The following ZNF197 variants were observed in gnomAD, a reference collection of about 807,000 sequenced individuals.
The protein encoded by ZNF197 is zinc finger protein 197.
In ZNF197, 14 loss-of-function variants were observed where a neutral mutation model predicts 27.4. The ratio of observed to expected loss-of-function variants is 0.51; its 90% CI spans 0.34 to 0.80. The LOEUF is 0.80. Ranked by LOEUF, ZNF197 falls within the 30% of genes least tolerant of loss-of-function variation. ZNF197 has a pLI of 0.02. For missense variants in ZNF197, 1,090 were observed against 1,222.6 expected, an observed-to-expected ratio of 0.89 and a Z score of 1.62; for synonymous variants, 415 against 420.0, an observed-to-expected ratio of 0.99 and a Z score of 0.15.
intron 5 of ZNF197, among the ~76,000 whole-genome samples, chr3:44,635,809 C>T (rs984720570): frequency 1.3e-5 from 2 of 152,052 alleles, no homozygotes; most frequent in African/African-American, 4.8e-5. Context: ...TTTGTGTGAG[C>T]CCATAGGATC....
rs1322565009 is a variant in ZNF197, at chr3:44,642,698, A to T, written c.1568A>T (p.Lys523Met). ...NKCQKAFILK[K>M]SLILHQRIHS... Reference sequence around the variant, plus strand: ...TGTCAGAAAGCTTTCATTCTGAAGAAGAGCCTCATTCTGCACCAGAGAATC... The same window carrying T: ...TGTCAGAAAGCTTTCATTCTGAAGATGAGCCTCATTCTGCACCAGAGAATC... The change falls in exon 6 of 6, where the codon AAG becomes ATG. Residue 523 changes from lysine to methionine, a missense_variant. Coordinates refer to ENST00000344387, the MANE Select transcript of ZNF197 (RefSeq NM_006991.5). 2 of 1,613,922 alleles carry T rather than the reference A, an allele frequency of 1.2e-6. No individual in the cohort carries two copies. Among genetic ancestry groups the T allele is most frequent in the East Asian group, 2.2e-5 (1 of 44,894 alleles).
Position 44,645,696 on chromosome 3 carries a change from C to G in ZNF197, c.*1476C>G, listed in dbSNP as rs1028765246. Reference sequence around the variant, plus strand: ...TTGTGAATTCTAATCAATATTTCATCATTGCTGTCAAATGATAGCCTGTTA... The same window carrying G: ...TTGTGAATTCTAATCAATATTTCATGATTGCTGTCAAATGATAGCCTGTTA... On this transcript the variant is annotated 3_prime_UTR_variant, in exon 6 of 6. Coordinates refer to ENST00000344387, the MANE Select transcript of ZNF197 (RefSeq NM_006991.5). 2 of 985,310 alleles carry G rather than the reference C, an allele frequency of 2.0e-6. No individual in the cohort carries two copies. Among genetic ancestry groups the G allele is most frequent in the East Asian group, 2.3e-4 (2 of 8,820 alleles). The allele number at this position is 985,310 out of a possible 1,614,324, so 61.0% of individuals were successfully genotyped here.
intron 1 of ZNF197, among the ~76,000 whole-genome samples, chr3:44,627,659 C>T (rs915222690): frequency 4.0e-5 from 6 of 151,754 alleles, no homozygotes; most frequent in Admixed American, 2.6e-4. Flanking sequence ...TGCGAAACCC[C>T]GTCTCTACCA....
rs141914490 is a variant in ZNF197, at chr3:44,644,891, T to G, written c.*671T>G. ...TAAATTTATTAATAAAACTAAAAATTTAATAATAAAAAGTGGACATTGTTT... is the reference window on the plus strand; with the variant it reads ...TAAATTTATTAATAAAACTAAAAATGTAATAATAAAAAGTGGACATTGTTT... On this transcript the variant is annotated 3_prime_UTR_variant, in exon 6 of 6. Transcript: ENST00000344387. 1.3e-4 allele frequency: 130 copies of G among 973,528 alleles called. No individual in the cohort carries two copies. The African/African-American group carries it at 2.0e-3, about 15-fold the overall frequency. 60.3% of individuals were successfully genotyped at this position (973,528 alleles called of 1,614,324 possible). A position where few individuals can be genotyped will look rare whatever the true frequency, so the allele number is the denominator to read the frequency against.
In ZNF197 at chr3:44,646,637, T is replaced by G; in HGVS notation, c.*2417T>G. 1 of 718,812 alleles carries G rather than the reference T, an allele frequency of 1.4e-6. No homozygotes were observed. The allele number at this position is 718,812 out of a possible 1,614,324, so 44.5% of individuals were successfully genotyped here. ...AAAAAGAGAGGGGAGTGAAAATTGT[T>G]CAAGCTGTCTTGAGTCTGCTGTGAG... On this transcript the variant is annotated 3_prime_UTR_variant, in exon 6 of 6. Coordinates refer to ENST00000344387, the MANE Select transcript of ZNF197 (RefSeq NM_006991.5).
At position 44,643,598 on chromosome 3, in the gene ZNF197, G is replaced by T. The variant is rs201243844; in HGVS notation, c.2468G>T (p.Cys823Phe). The change falls in exon 6 of 6, where the codon TGT becomes TTT. Residue 823 changes from cysteine (C) to phenylalanine (F), a missense_variant. Transcript: ENST00000344387. Reference sequence around the variant, plus strand: ...GAAAAATCTTATAAATGCAATGACTGTGGGAAGGTCTTCAGTTACCGCTCA... The same window carrying T: ...GAAAAATCTTATAAATGCAATGACTTTGGGAAGGTCTTCAGTTACCGCTCA... ...TREKSYKCND[C>F]GKVFSYRSNL... 9 of 1,614,196 alleles carry T rather than the reference G, an allele frequency of 5.6e-6. No individual in the cohort carries two copies. The highest frequency in any genetic ancestry group is 7.6e-6 in the Non-Finnish European group (9 of 1,180,030).
At chr3:44,635,258 TA>T (rs564921310) in intron 5 of ZNF197, among the ~76,000 whole-genome samples, 15 of 149,204 alleles carry the variant, frequency 1.0e-4, no homozygotes, top group Non-Finnish European at 1.6e-4. Flanking sequence ...TTTAATAAAT[TA>T]AAAAAAAAAT....
At position 44,647,705 on chromosome 3, in the gene ZNF197, T is replaced by C. The variant is rs780130615; in HGVS notation, c.*3485T>C. ...GAGTGAAAATAATCACAAAAGGCCA[T>C]ATTCTGTATGAAAATATTCATATAA... is the stretch of plus-strand genomic sequence containing the variant. On this transcript the variant is annotated 3_prime_UTR_variant, in exon 6 of 6. Coordinates refer to ENST00000344387, the MANE Select transcript of ZNF197 (RefSeq NM_006991.5). 6.6e-6 allele frequency: 1 copy of C among 152,218 alleles called. No individual in the cohort carries two copies. Among genetic ancestry groups the C allele is most frequent in the Non-Finnish European group, 1.5e-5 (1 of 68,030 alleles). The allele number at this position is 152,218 out of a possible 1,614,324, so 9.4% of individuals were successfully genotyped here. A position where few individuals can be genotyped will look rare whatever the true frequency, so the allele number is the denominator to read the frequency against.
Position 44,632,600 on chromosome 3 carries a change from G to C in ZNF197, c.769+1G>C, listed in dbSNP as rs1371279359. The C allele has an allele frequency of 6.5e-7, 1 of 1,543,866 alleles. No homozygotes were observed. The highest frequency in any genetic ancestry group is 1.3e-5 in the South Asian group (1 of 78,798). On this transcript the variant is annotated splice_donor_variant, in intron 5 of 5. Coordinates refer to ENST00000344387, the MANE Select transcript of ZNF197 (RefSeq NM_006991.5). LOFTEE classifies it high-confidence loss of function. ...AATTATGGAAATGTGACCTCCCTAG[G>C]TAAGGATTCTTCTTTCTATGATGCT...
At chr3:44,631,005 A>T in intron 2 of ZNF197, 57 bp from the exon 3 acceptor site, 1 of 1,610,754 alleles carries the variant, frequency 6.2e-7, no homozygotes, top group South Asian at 1.1e-5. Context: ...CACAGTGCTT[A>T]GGTGAGTCCA....
In ZNF197 at chr3:44,648,055, A is replaced by G. The variant is rs1314919719; in HGVS notation, c.*3835A>G. The G allele has an allele frequency of 6.6e-6, 1 of 152,212 alleles. No homozygotes were observed. Among genetic ancestry groups the G allele is most frequent in the Non-Finnish European group, 1.5e-5 (1 of 68,040 alleles). 9.4% of individuals were successfully genotyped at this position (152,212 alleles called of 1,614,324 possible). A position where few individuals can be genotyped will look rare whatever the true frequency, so the allele number is the denominator to read the frequency against. ...ATTCTATCATTTCAAAATAAAAAGT[A>G]AAAACCAACAATGGCAACGAAAACC... On this transcript the variant is annotated 3_prime_UTR_variant, in exon 6 of 6. Coordinates refer to ENST00000344387, the MANE Select transcript of ZNF197 (RefSeq NM_006991.5).
In ZNF197 at chr3:44,640,437, G is replaced by C. The variant is rs1385065711; in HGVS notation, c.770-1463G>C. Among the ~76,000 whole-genome samples the C allele has an allele frequency of 6.6e-6, 1 of 152,154 alleles. No homozygotes were observed. The highest frequency in any genetic ancestry group is 2.4e-5 in the African/African-American group (1 of 41,440). ...CTGTCACCCAGGCTGGAATGCAGTG[G>C]TGTGATCTCGGCTCACTGCAACCTC... is the stretch of plus-strand genomic sequence containing the variant. On this transcript the variant is annotated intron_variant, in intron 5 of 5. Transcript: ENST00000344387. The surrounding 1 kb of genome is among the most constrained non-coding windows in gnomAD (Gnocchi z 4.0).
At position 44,627,161 on chromosome 3, in the gene ZNF197, G is replaced by A. The variant is rs114609340; in HGVS notation, c.-81-1913G>A. Among the ~76,000 whole-genome samples, 1,343 of 152,262 alleles carry A rather than the reference G, an allele frequency of 8.8e-3. 22 individuals carry two copies. Among genetic ancestry groups the A allele is most frequent in the African/African-American group, 0.031 (1,284 of 41,546 alleles). On this transcript the variant is annotated intron_variant, in intron 1 of 5. Transcript: ENST00000344387. ...GAAAGATAGATAAGAAGCTAACGGAGAAGGAAACTTTACACAGTATACATT... is the reference window on the plus strand; with the variant it reads ...GAAAGATAGATAAGAAGCTAACGGAAAAGGAAACTTTACACAGTATACATT...
chr3:44,647,743 G>A lies in ZNF197; in HGVS notation c.*3523G>A, dbSNP rs1703042568. The A allele has an allele frequency of 6.6e-6, 1 of 152,130 alleles. No individual in the cohort carries two copies. The highest frequency in any genetic ancestry group is 1.5e-5 in the Non-Finnish European group (1 of 68,008). The allele number at this position is 152,130 out of a possible 1,614,324, so 9.4% of individuals were successfully genotyped here. A position where few individuals can be genotyped will look rare whatever the true frequency, so the allele number is the denominator to read the frequency against. On this transcript the variant is annotated 3_prime_UTR_variant, in exon 6 of 6. Transcript: ENST00000344387. ...AATATTCATATAACATTCTCAAAAT[G>A]ATAAAACTATAGAGATGAAAAATGG...
intron 3 of ZNF197, 102 bp downstream of exon 3, chr3:44,631,323 G>C: frequency 7.1e-7 from 1 of 1,407,088 alleles, no homozygotes; most frequent in Non-Finnish European, 9.7e-7. Context: ...CTGTCTAGGA[G>C]TCTCTTACAG....
At position 44,648,020 on chromosome 3, in the gene ZNF197, A is replaced by G. The variant is rs1703059725; in HGVS notation, c.*3800A>G. ...GTGGGTGAAGGGTGCTATCTTTGCAACTTCCTGTGATTCTATCATTTCAAA... is the reference window on the plus strand; with the variant it reads ...GTGGGTGAAGGGTGCTATCTTTGCAGCTTCCTGTGATTCTATCATTTCAAA... On this transcript the variant is annotated 3_prime_UTR_variant, in exon 6 of 6. Coordinates refer to ENST00000344387, the MANE Select transcript of ZNF197 (RefSeq NM_006991.5). The G allele has an allele frequency of 6.6e-6, 1 of 152,204 alleles. No homozygotes were observed. The highest frequency in any genetic ancestry group is 2.4e-5 in the African/African-American group (1 of 41,436). The allele number at this position is 152,204 out of a possible 1,614,324, so 9.4% of individuals were successfully genotyped here.
chr3:44,625,609 A>G (rs776079904), intron 1 of ZNF197, among the ~76,000 whole-genome samples: 6 of 152,144 alleles, frequency 3.9e-5, no homozygotes, highest in Non-Finnish European at 8.8e-5. Context: ...TTAGTTTTGT[A>G]ATATAATGGT....
chr3:44,626,287 C>G (rs1443045206), intron 1 of ZNF197, among the ~76,000 whole-genome samples: 1 of 151,966 alleles, frequency 6.6e-6, no homozygotes, highest in African/African-American at 2.4e-5. Context: ...GATATCCAGC[C>G]CTCCCACCCC....
intron 5 of ZNF197, among the ~76,000 whole-genome samples, 158 bp from the exon 6 acceptor site, chr3:44,641,742 G>A (rs1702612388): frequency 6.6e-6 from 1 of 152,196 alleles, no homozygotes; most frequent in Non-Finnish European, 1.5e-5. Context: ...TCTTGTCAGT[G>A]TAGCATTATT....
Sources: allele counts gnomAD v4.1 joint callset (sites outside exome capture counted in the v4.1 genomes callset), GRCh38; gene constraint gnomAD v4.1.1; non-coding constraint Gnocchi (gnomAD v3.1); transcripts MANE v1.5; gene names NCBI Gene and HGNC (gene_info 2026-07-23, HGNC 2026-07-21).